PARD3B: variants seen among roughly 807,000 people sequenced by gnomAD.
PARD3B encodes partitioning defective 3 homolog B.
PARD3B carries 103 observed loss-of-function variants against 130.2 expected under a neutral mutation model. That is an observed-to-expected ratio of 0.79 (90% CI 0.67 to 0.93). The LOEUF (loss-of-function observed/expected upper bound fraction) is 0.93. PARD3B is among the 40% of genes least tolerant of loss of function. The pLI is 0.00. For missense variants in PARD3B, 1,609 were observed against 1,499.2 expected, an observed-to-expected ratio of 1.07 and a Z score of -1.21; for synonymous variants, 583 against 553.2, an observed-to-expected ratio of 1.05 and a Z score of -0.76.
chr2:205,565,188 G>C (rs1457180198), intron 22 of PARD3B, among the ~76,000 whole-genome samples: 1 of 152,158 alleles, frequency 6.6e-6, no homozygotes, highest in African/African-American at 2.4e-5. Flanking sequence ...GTGTCTGACA[G>C]CCCGGGTTTT....
At chr2:204,579,805 A>G (rs761517718) in intron 1 of PARD3B, among the ~76,000 whole-genome samples, 1 of 152,300 alleles carries the variant, frequency 6.6e-6, no homozygotes, top group African/African-American at 2.4e-5. Context: ...TTGCTTGGCT[A>G]CAATAGCTTA....
In PARD3B at chr2:205,301,665, G is replaced by A; in HGVS notation, c.2594G>A (p.Arg865Lys). 1 of 1,613,916 alleles carries A rather than the reference G, an allele frequency of 6.2e-7. No homozygotes were observed. The highest frequency in any genetic ancestry group is 1.3e-5 in the African/African-American group (1 of 74,994). ...KRKEENEDPE[R>K]KIKKKGFGAM... ...AAAGAGGAGAATGAAGATCCAGAAA[G>A]GAAAATAAAGAAGAAGGGCTTCGGC... Residue 865 changes from arginine (R) to lysine (K), a missense_variant, in exon 18 of 23, where the codon AGG (arginine) becomes AAG (lysine). Arg to Lys is a conservative substitution (Grantham distance 26). Transcript: ENST00000406610. This position sits in a 1 kb window ranked among gnomAD's most constrained non-coding sequence, Gnocchi z 5.2.
intron 22 of PARD3B, 65 bp downstream of exon 22, chr2:205,553,468 A>G (rs2052740121): frequency 1.3e-6 from 2 of 1,500,474 alleles, no homozygotes; most frequent in Admixed American, 1.7e-5. Context: ...AGAAGTCTAC[A>G]TGAAATAGAA....
chr2:204,686,404 T>G, intron 2 of PARD3B, 122 bp downstream of exon 2: 5 of 744,744 alleles, frequency 6.7e-6, no homozygotes, highest in Non-Finnish European at 1.1e-5. Context: ...CTGTTCAGGT[T>G]TCACCTGGAC....
intron 2 of PARD3B, among the ~76,000 whole-genome samples, chr2:204,828,488 C>T (rs1361331638): frequency 6.6e-6 from 1 of 152,080 alleles, no homozygotes; most frequent in Non-Finnish European, 1.5e-5. Flanking sequence ...ACTTGAGAGC[C>T]TTTTTTATAC....
At chr2:204,726,367 T>C (rs1574825677) in intron 2 of PARD3B, among the ~76,000 whole-genome samples, 1 of 152,208 alleles carries the variant, frequency 6.6e-6, no homozygotes, top group Non-Finnish European at 1.5e-5. Flanking sequence ...ATTTTCAAGA[T>C]GGCACCCTAG....
At chr2:205,271,163 A>G (rs2040710463) in intron 16 of PARD3B, among the ~76,000 whole-genome samples, 2 of 152,284 alleles carry the variant, frequency 1.3e-5, no homozygotes, top group African/African-American at 4.8e-5. Context: ...ATATCCAAAA[A>G]CAAGCAGAGA....
At chr2:204,735,186 A>T (rs2039691271) in intron 2 of PARD3B, among the ~76,000 whole-genome samples, 1 of 152,028 alleles carries the variant, frequency 6.6e-6, no homozygotes, top group Admixed American at 6.6e-5. Context: ...CCTTAATTGG[A>T]TAAAGTGCAC....
At chr2:205,283,804 C>T (rs2041282416) in intron 16 of PARD3B, among the ~76,000 whole-genome samples, 1 of 152,132 alleles carries the variant, frequency 6.6e-6, no homozygotes, top group Non-Finnish European at 1.5e-5. Context: ...GTTGTGCAGC[C>T]AGCTTTTACT....
At chr2:204,846,839 G>A (rs922633550) in intron 2 of PARD3B, among the ~76,000 whole-genome samples, 2 of 151,940 alleles carry the variant, frequency 1.3e-5, no homozygotes, top group African/African-American at 2.4e-5. Flanking sequence ...TGCCTGTAAT[G>A]TGTTCAGTTC....
chr2:204,609,514 A>G (rs2033849238), intron 1 of PARD3B, among the ~76,000 whole-genome samples: 1 of 152,210 alleles, frequency 6.6e-6, no homozygotes. Flanking sequence ...ACATTGGTTT[A>G]GCCTAAAGAA....
intron 1 of PARD3B, among the ~76,000 whole-genome samples, chr2:204,596,717 T>C (rs1413012505): frequency 1.3e-5 from 2 of 152,060 alleles, no homozygotes; most frequent in African/African-American, 4.8e-5. Context: ...TCGCCTGAGG[T>C]TGGGAGTTCC....
intron 2 of PARD3B, among the ~76,000 whole-genome samples, chr2:204,947,513 G>A (rs1488734462): frequency 4.6e-5 from 7 of 151,748 alleles, no homozygotes; most frequent in Admixed American, 2.6e-4. Flanking sequence ...GACAACTCTA[G>A]AACTATTTTC....
At chr2:204,874,361 G>T (rs989872927) in intron 2 of PARD3B, among the ~76,000 whole-genome samples, 3 of 152,088 alleles carry the variant, frequency 2.0e-5, no homozygotes, top group Admixed American at 1.3e-4. Flanking sequence ...AAGCACTCCT[G>T]AACAATTTTA....
At chr2:204,935,059 C>T (rs1459730463) in intron 2 of PARD3B, among the ~76,000 whole-genome samples, 1 of 151,996 alleles carries the variant, frequency 6.6e-6, no homozygotes, top group Non-Finnish European at 1.5e-5. Flanking sequence ...AACCTGATAC[C>T]CAGACTTCTG....
chr2:205,197,137 A>T (rs546490534), intron 15 of PARD3B, among the ~76,000 whole-genome samples: 29 of 151,790 alleles, frequency 1.9e-4, no homozygotes, highest in African/African-American at 5.8e-4. Flanking sequence ...TCTGATGGAA[A>T]CATTTGATCA....
intron 4 of PARD3B, among the ~76,000 whole-genome samples, chr2:205,063,276 G>A (rs1156619533): frequency 1.3e-5 from 2 of 151,702 alleles, no homozygotes; most frequent in African/African-American, 2.4e-5. Flanking sequence ...ATGTATCAAA[G>A]TATCACATGC....
chr2:204,836,529 G>A (rs564538215), intron 2 of PARD3B, among the ~76,000 whole-genome samples: 1 of 152,158 alleles, frequency 6.6e-6, no homozygotes, highest in African/African-American at 2.4e-5. Context: ...TGGGTGTGGT[G>A]GTTCATGCCT....
intron 18 of PARD3B, among the ~76,000 whole-genome samples, chr2:205,383,080 T>TTACA (rs2045512013): frequency 6.4e-5 from 3 of 47,190 alleles, no homozygotes; most frequent in Non-Finnish European, 2.1e-4. Context: ...CCTGGAAAGT[T>TTACA]TACATAGATA....
Sources: allele counts gnomAD v4.1 joint callset (sites outside exome capture counted in the v4.1 genomes callset), GRCh38; gene constraint gnomAD v4.1.1; non-coding constraint Gnocchi (gnomAD v3.1); transcripts MANE v1.5; gene names NCBI Gene and HGNC (gene_info 2026-07-23, HGNC 2026-07-21).